Variants in MAP3K13 observed in about 807,000 individuals in gnomAD.
MAP3K13 encodes mitogen-activated protein kinase kinase kinase 13, also known as leucine zipper-bearing kinase.
Under a neutral mutation model 104.0 loss-of-function variants are expected in MAP3K13, and 52 were observed. That is an observed-to-expected ratio of 0.50 (90% CI 0.40 to 0.63). The LOEUF (loss-of-function observed/expected upper bound fraction) is 0.63, where lower values mean the gene tolerates loss of function less well. Among genes scored for constraint, MAP3K13 ranks in the 20% least tolerant of loss-of-function variants. The pLI is 0.00. For synonymous variants in MAP3K13, 394 were observed against 442.2 expected (o/e 0.89, Z 1.37); for missense variants, 914 against 1,218.5 (o/e 0.75, Z 3.72).
At chr3:185,300,961 C>A (rs1161444760) in intron 2 of MAP3K13, among the ~76,000 whole-genome samples, 2 of 151,982 alleles carry the variant, frequency 1.3e-5, no homozygotes, top group East Asian at 3.9e-4. Context: ...TGGATATATA[C>A]CCAGAAGTGG....
intron 2 of MAP3K13, among the ~76,000 whole-genome samples, chr3:185,287,961 C>T (rs1311748993): frequency 6.6e-6 from 1 of 152,120 alleles, no homozygotes; most frequent in Non-Finnish European, 1.5e-5. Flanking sequence ...CATTTGAACT[C>T]GGGAGGCAGA....
chr3:185,321,103 CACACA>C (rs1721845558), intron 2 of MAP3K13, among the ~76,000 whole-genome samples: 1 of 150,940 alleles, frequency 6.6e-6, no homozygotes, highest in African/African-American at 2.4e-5. Context: ...CATGCGTGCA[CACACA>C]TATGCGTGCA....
At position 185,351,047 on chromosome 3, in the gene MAP3K13, A is replaced by G. The variant is rs373950234; in HGVS notation, c.-86+65404A>G. ...CACAGCCATAAAAAAGCATGAGATA[A>G]TATTCCGTGCAGCAACATGGATGGA... On this transcript the variant is annotated intron_variant, in intron 2 of 14. Coordinates refer to the MAP3K13 transcript ENST00000424227. Among the ~76,000 whole-genome samples, 55 of 152,360 alleles carry G rather than the reference A, an allele frequency of 3.6e-4. 1 individual carries two copies. The South Asian group carries it at 0.011, about 29-fold the overall frequency.
chr3:185,443,746 A>C, intron 4 of MAP3K13, 110 bp downstream of exon 4: 1 of 887,520 alleles, frequency 1.1e-6, no homozygotes, highest in Non-Finnish European at 1.8e-6. Context: ...GTTCAGTTTC[A>C]ATCAGCACAG....
chr3:185,451,545 A>T (rs1715884495), intron 7 of MAP3K13, 150 bp downstream of exon 7: 1 of 584,852 alleles, frequency 1.7e-6, no homozygotes, highest in Non-Finnish European at 3.1e-6. Context: ...CTTCACACAT[A>T]TGACATCTTA....
At chr3:185,392,371 A>T (rs1031500219) in intron 1 of MAP3K13, among the ~76,000 whole-genome samples, 1 of 152,236 alleles carries the variant, frequency 6.6e-6, no homozygotes, top group Non-Finnish European at 1.5e-5. Flanking sequence ...TAAGTGGAGC[A>T]TCTAACCCAG....
intron 1 of MAP3K13, among the ~76,000 whole-genome samples, chr3:185,394,541 A>G (rs1295090722): frequency 6.6e-6 from 1 of 152,210 alleles, no homozygotes; most frequent in East Asian, 1.9e-4. Context: ...TAAAGAGTTC[A>G]AGGGCTTACC....
At chr3:185,338,001 AAATGATTTGAT>A (rs1027131768) in intron 2 of MAP3K13, among the ~76,000 whole-genome samples, 18 of 152,144 alleles carry the variant, frequency 1.2e-4, no homozygotes, top group African/African-American at 4.3e-4. Flanking sequence ...ATTATCTGAA[AAATGATTTGAT>A]AATGAGACCC....
At chr3:185,456,596 CTT>C (rs35547697) in intron 7 of MAP3K13, among the ~76,000 whole-genome samples, 4 of 108,004 alleles carry the variant, frequency 3.7e-5, no homozygotes, top group Admixed American at 1.3e-4. Context: ...TTTGCTTCTC[CTT>C]TTTTTTTTTT....
At chr3:185,451,752 A>G (rs951971458) in intron 7 of MAP3K13, among the ~76,000 whole-genome samples, 2 of 151,520 alleles carry the variant, frequency 1.3e-5, no homozygotes, top group Admixed American at 6.6e-5. Context: ...CTGTAATCCC[A>G]CCTACTCAGG....
Position 185,301,501 on chromosome 3 carries a change from T to C in MAP3K13, c.-86+15858T>C, listed in dbSNP as rs1489229069. Among the ~76,000 whole-genome samples the C allele has an allele frequency of 2.6e-5, 4 of 152,198 alleles. No homozygotes were observed. In the East Asian group the frequency reaches 7.7e-4, roughly 29 times the overall value. The stretch of plus-strand genomic sequence containing the variant: ...TAATTTTTGCACTTGTTGCCTGTGC[T>C]TTTCATGTCAATATCCAAATAATAA... On this transcript the variant is annotated intron_variant, in intron 2 of 14. Transcript: ENST00000424227.
intron 2 of MAP3K13, chr3:185,292,927 T>G (rs776477764): frequency 1.0e-6 from 1 of 983,276 alleles, no homozygotes; most frequent in Non-Finnish European, 1.2e-6. Context: ...AATGTGACCC[T>G]CATTTTTCTT....
chr3:185,317,742 T>A (rs943603989), intron 2 of MAP3K13, among the ~76,000 whole-genome samples: 4 of 152,206 alleles, frequency 2.6e-5, no homozygotes, highest in African/African-American at 9.6e-5. Flanking sequence ...ACTTGATCTC[T>A]TCTTAAATGG....
chr3:185,418,353 A>T lies in MAP3K13; in HGVS notation c.-85-10144A>T. ...GAAGTTCAGGAACTTCCTCAATACGATGACCTTTAGACATGACCAGTGCTG... is the reference window on the plus strand; with the variant it reads ...GAAGTTCAGGAACTTCCTCAATACGTTGACCTTTAGACATGACCAGTGCTG... On this transcript the variant is annotated intron_variant, in intron 1 of 13. Transcript: ENST00000265026. The surrounding 1 kb of genome is among the most constrained non-coding windows in gnomAD (Gnocchi z 4.5). The T allele has an allele frequency of 1.9e-6, 3 of 1,594,756 alleles. No homozygotes were observed. Among genetic ancestry groups the T allele is most frequent in the Non-Finnish European group, 2.6e-6 (3 of 1,164,130 alleles).
chr3:185,461,884 A>T (rs1370390213), intron 7 of MAP3K13, among the ~76,000 whole-genome samples: 5 of 151,706 alleles, frequency 3.3e-5, no homozygotes, highest in Admixed American at 1.3e-4. Flanking sequence ...GATTGCTATT[A>T]TTTTTTTTAA....
In MAP3K13 at chr3:185,482,420, T is replaced by TC. The variant is rs773940128; in HGVS notation, c.2865_2866insC (p.Arg956GlnfsTer4). 4 of 1,614,040 alleles carry TC rather than the reference T, an allele frequency of 2.5e-6. No individual in the cohort carries two copies. The highest frequency in any genetic ancestry group is 3.4e-6 in the Non-Finnish European group (4 of 1,179,928). ...ATGGGGAGTGTTCTGATGCCACAGT[T>TC]AGGACCAATAAACACTACAGCTCTG... On this transcript the variant is annotated frameshift_variant, in exon 14 of 14. Transcript: ENST00000265026. LOFTEE classifies it high-confidence loss of function. This position sits in a 1 kb window ranked among gnomAD's most constrained non-coding sequence, Gnocchi z 4.5.
At chr3:185,429,752 T>C (rs779963630) in intron 2 of MAP3K13, among the ~76,000 whole-genome samples, 1 of 152,184 alleles carries the variant, frequency 6.6e-6, no homozygotes, top group Non-Finnish European at 1.5e-5. Flanking sequence ...CCCCTGAAGA[T>C]TGTAGGGCTT....
rs1401287224 is a variant in MAP3K13 at position 185,454,789 on chromosome 3, G to GATATATATGAGATATATACATGAT, written c.1278+3461_1278+3484dup. Among the ~76,000 whole-genome samples the GATATATATGAGATATATACATGAT allele has an allele frequency of 5.8e-3, 325 of 56,134 alleles. 114 individuals are homozygous for GATATATATGAGATATATACATGAT. Among genetic ancestry groups the GATATATATGAGATATATACATGAT allele is most frequent in the East Asian group, 0.025 (53 of 2,148 alleles). 36.8% of individuals were successfully genotyped at this position (56,134 alleles called of 152,430 possible). On this transcript the variant is annotated intron_variant, in intron 7 of 13. Coordinates refer to ENST00000265026, the MANE Select transcript of MAP3K13 (RefSeq NM_004721.5). ...TGACATATATATGAGATATATACAT[G>GATATATATGAGATATATACATGAT]ATATATATGAGATATATACATGATA...
chr3:185,471,901 T>C (rs1214942371), intron 10 of MAP3K13, among the ~76,000 whole-genome samples: 1 of 152,224 alleles, frequency 6.6e-6, no homozygotes, highest in Non-Finnish European at 1.5e-5. Flanking sequence ...TGCAAAGAGA[T>C]GTTTGAAGAT....
Sources: allele counts gnomAD v4.1 joint callset (sites outside exome capture counted in the v4.1 genomes callset), GRCh38; gene constraint gnomAD v4.1.1; non-coding constraint Gnocchi (gnomAD v3.1); transcripts MANE v1.5; gene names NCBI Gene and HGNC (gene_info 2026-07-23, HGNC 2026-07-21).